EPC1: variants seen among roughly 807,000 people sequenced by gnomAD.
EPC1 encodes the protein enhancer of polycomb 1, also known as enhancer of polycomb homolog 1.
In EPC1, 12 loss-of-function variants were observed where a neutral mutation model predicts 98.4. The observed-to-expected ratio is 0.12, with a 90% confidence interval of 0.08 to 0.20. The LOEUF (loss-of-function observed/expected upper bound fraction) is 0.20. Ranked by LOEUF, EPC1 falls within the 10% of genes least tolerant of loss-of-function variation. The probability of loss-of-function intolerance (pLI) is 1.00; values close to 1 mark genes in which losing one functional copy is unlikely to be tolerated. For synonymous variants in EPC1, 357 were observed against 363.9 expected (o/e 0.98, Z 0.21); for missense variants, 729 against 990.5 (o/e 0.74, Z 3.54).
chr10:32,276,511 TA>T (rs1836105888), intron 10 of EPC1, among the ~76,000 whole-genome samples: 1 of 152,176 alleles, frequency 6.6e-6, no homozygotes, highest in Middle Eastern at 3.2e-3. Context: ...GACTTCATCT[TA>T]AAAATAAATA....
intron 10 of EPC1, among the ~76,000 whole-genome samples, chr10:32,278,468 G>C (rs1382505271): frequency 8.8e-6 from 1 of 113,240 alleles, no homozygotes; most frequent in African/African-American, 3.3e-5. Flanking sequence ...TGCAAGCTCC[G>C]CCTCCCGGGT....
chr10:32,290,996 C>T (rs772427461), intron 6 of EPC1, among the ~76,000 whole-genome samples, 167 bp downstream of exon 6: 1 of 152,030 alleles, frequency 6.6e-6, no homozygotes, highest in Non-Finnish European at 1.5e-5. Context: ...AGGCTGGTCC[C>T]GAACTCCTGA....
chr10:32,271,732 T>C lies in EPC1; in HGVS notation c.2191A>G (p.Asn731Asp), dbSNP rs754022678. The C allele has an allele frequency of 6.2e-7, 1 of 1,614,232 alleles. No homozygotes were observed. The highest frequency in any genetic ancestry group is 1.1e-5 in the South Asian group (1 of 91,086). Residue 731 changes from asparagine (N) to aspartate (D), a missense_variant, in exon 13 of 14, where the codon AAC (asparagine) becomes GAC (aspartate). Transcript: ENST00000319778. The part of the protein sequence containing the change: ...SATTQVLIGN[N>D]IRLTVPSSVA... ...GATGAAGGTACAGTTAATCGAATGT[T>C]GTTCCCAATCAGAACCTGAGTTGTT... is the stretch of plus-strand genomic sequence containing the variant.
Position 32,361,498 on chromosome 10 carries a change from A to T in EPC1, c.3+16993T>A, listed in dbSNP as rs558049014. On this transcript the variant is annotated intron_variant, in intron 1 of 13. Coordinates refer to the EPC1 transcript ENST00000375110. ...ATACCCCCATTTTTCTAAGAAAAAT[A>T]GAATAAGTTACGATTATAGTTTACT... Among the ~76,000 whole-genome samples the T allele has an allele frequency of 5.9e-5, 9 of 152,350 alleles. No individual in the cohort carries two copies. In the South Asian group the frequency reaches 1.7e-3, roughly 28 times the overall value.
chr10:32,307,379 T>C (rs1322870272), intron 1 of EPC1, among the ~76,000 whole-genome samples: 1 of 152,240 alleles, frequency 6.6e-6, no homozygotes, highest in Non-Finnish European at 1.5e-5. Flanking sequence ...ACAACACATA[T>C]TCCTCATTCC....
At chr10:32,333,291 G>T (rs1307733625) in intron 1 of EPC1, among the ~76,000 whole-genome samples, 1 of 152,194 alleles carries the variant, frequency 6.6e-6, no homozygotes, top group Non-Finnish European at 1.5e-5. Flanking sequence ...AGTGAGCCGA[G>T]ATCGTGCCAC....
chr10:32,328,792 T>C (rs1451373157), intron 1 of EPC1, among the ~76,000 whole-genome samples: 1 of 152,218 alleles, frequency 6.6e-6, no homozygotes, highest in Non-Finnish European at 1.5e-5. Flanking sequence ...TGTTCTGTTA[T>C]ACACATGGAA....
At chr10:32,371,147 A>G (rs1011621230) in intron 1 of EPC1, among the ~76,000 whole-genome samples, 2 of 152,232 alleles carry the variant, frequency 1.3e-5, no homozygotes, top group African/African-American at 4.8e-5. Context: ...CTGAAGTCTC[A>G]TAACTTAATA....
intron 1 of EPC1, among the ~76,000 whole-genome samples, chr10:32,370,953 C>T (rs1330699056): frequency 6.6e-6 from 1 of 152,092 alleles, no homozygotes; most frequent in African/African-American, 2.4e-5. Flanking sequence ...ATTGCTTATG[C>T]CTCTTCAGGA....
At chr10:32,289,224 A>G (rs1009539547) in intron 6 of EPC1, among the ~76,000 whole-genome samples, 2 of 152,204 alleles carry the variant, frequency 1.3e-5, no homozygotes, top group Non-Finnish European at 2.9e-5. Context: ...AAACTAAAAC[A>G]GTATTTTGGG....
At chr10:32,279,784 C>T (rs547092736) in intron 10 of EPC1, among the ~76,000 whole-genome samples, 55 of 152,242 alleles carry the variant, frequency 3.6e-4, no homozygotes, top group African/African-American at 1.3e-3. Flanking sequence ...CTCAACTTCC[C>T]AAGGTGCTTT....
chr10:32,319,821 C>T (rs79442609), intron 1 of EPC1, among the ~76,000 whole-genome samples: 23,489 of 151,916 alleles, frequency 0.15, 2,092 homozygotes, highest in South Asian at 0.33. Context: ...GGTTTACAGG[C>T]GCATACCACC....
At chr10:32,303,809 C>G (rs891522132) in intron 2 of EPC1, among the ~76,000 whole-genome samples, 4 of 152,196 alleles carry the variant, frequency 2.6e-5, no homozygotes, top group Admixed American at 2.6e-4. Flanking sequence ...CTGGTGAAAT[C>G]TGCGTAAACT....
intron 1 of EPC1, 66 bp downstream of exon 1, chr10:32,346,697 G>A (rs1293615067): frequency 9.6e-6 from 14 of 1,456,732 alleles, no homozygotes; most frequent in Non-Finnish European, 1.2e-5. Context: ...TTGCTGCTCC[G>A]CCGCCGCCGC....
At chr10:32,302,852 G>A (rs901513351) in intron 2 of EPC1, among the ~76,000 whole-genome samples, 2 of 152,140 alleles carry the variant, frequency 1.3e-5, no homozygotes, top group African/African-American at 4.8e-5. Context: ...GCAACCCCCA[G>A]TGCTAGAGAG....
In EPC1 at chr10:32,292,850, CTT is replaced by C. The variant is rs137864611; in HGVS notation, c.666+136_666+137del. On this transcript the variant is annotated intron_variant, in intron 4 of 13. Transcript: ENST00000319778. ...TAACATTAATAGCTGCATAATAAAT[CTT>C]AAGTTCAATTTAAGTATTTTTCTTA... 503 of 762,078 alleles carry C rather than the reference CTT, an allele frequency of 6.6e-4. 2 individuals carry two copies. The African/African-American group carries it at 8.0e-3, about 12-fold the overall frequency. 47.2% of individuals were successfully genotyped at this position (762,078 alleles called of 1,614,324 possible).
At chr10:32,309,259 A>C (rs1476131053) in intron 1 of EPC1, among the ~76,000 whole-genome samples, 1 of 152,170 alleles carries the variant, frequency 6.6e-6, no homozygotes, top group Non-Finnish European at 1.5e-5. Context: ...TACATATTTT[A>C]AAATAACTAG....
rs752034565 is a variant in EPC1, at chr10:32,346,958, C to T, written c.-43G>A. The T allele has an allele frequency of 2.5e-5, 40 of 1,604,472 alleles. No homozygotes were observed. The highest frequency in any genetic ancestry group is 1.3e-4 in the East Asian group (6 of 44,786). ...CCTCTCCGCTCTGGGGAAACGGCCC[C>T]GGCCAGCGGGATCATGGAGAACCGG... On this transcript the variant is annotated 5_prime_UTR_variant, in exon 1 of 14. Transcript: ENST00000319778.
At position 32,338,489 on chromosome 10, in the gene EPC1, C is replaced by T. The variant is rs948628705; in HGVS notation, c.153+8274G>A. The stretch of plus-strand genomic sequence containing the variant: ...TCGCTAATAGCTTACTTCATTTCAA[C>T]ACAGTCAAAACTTCTCATGGTAGCC... On this transcript the variant is annotated intron_variant, in intron 1 of 13. Coordinates refer to ENST00000319778, the MANE Select transcript of EPC1 (RefSeq NM_001272004.3). 9.2e-5 allele frequency among the ~76,000 whole-genome samples: 14 copies of T among 152,178 alleles called. 1 individual carries two copies. Among genetic ancestry groups the T allele is most frequent in the Admixed American group, 3.9e-4 (6 of 15,278 alleles).
Sources: allele counts gnomAD v4.1 joint callset (sites outside exome capture counted in the v4.1 genomes callset), GRCh38; gene constraint gnomAD v4.1.1; transcripts MANE v1.5; gene names NCBI Gene and HGNC (gene_info 2026-07-23, HGNC 2026-07-21).